Variants in ANKRD13C observed in about 807,000 individuals in gnomAD.
ANKRD13C encodes the protein ankyrin repeat domain 13C, also known as ankyrin repeat domain-containing protein 13C.
In ANKRD13C, 16 loss-of-function variants were observed where a neutral mutation model predicts 65.5. The ratio of observed to expected loss-of-function variants is 0.24; its 90% confidence interval spans 0.17 to 0.37. The LOEUF is 0.37. Ranked by LOEUF, ANKRD13C falls within the 10% of genes least tolerant of loss-of-function variation. The pLI, the probability that ANKRD13C is intolerant of heterozygous loss-of-function variation, is 1.00. For missense variants in ANKRD13C, 503 were observed against 655.9 expected, an observed-to-expected ratio of 0.77 and a Z score of 2.55; for synonymous variants, 235 against 238.7, an observed-to-expected ratio of 0.98 and a Z score of 0.14.
rs146916697 is a variant in ANKRD13C at position 70,259,266 on chromosome 1, A to T, written c.*3451T>A. On this transcript the variant is annotated 3_prime_UTR_variant, in exon 13 of 13. Transcript: ENST00000370944. ...TTATCTTTTTGGTTTTATGTTAGAC[A>T]ATATTTCTACTCTAATTAAAGTCAT... Among the ~76,000 whole-genome samples, 88 of 152,310 alleles carry T rather than the reference A, an allele frequency of 5.8e-4. No individual in the cohort carries two copies. The highest frequency in any genetic ancestry group is 2.1e-3 in the African/African-American group (86 of 41,568).
At chr1:70,353,198 G>A (rs1682823111) in intron 1 of ANKRD13C, among the ~76,000 whole-genome samples, 1 of 152,054 alleles carries the variant, frequency 6.6e-6, no homozygotes, top group African/African-American at 2.4e-5. Flanking sequence ...AGTCAACTCA[G>A]TCACATTATT....
intron 1 of ANKRD13C, among the ~76,000 whole-genome samples, chr1:70,344,912 A>G (rs1210363404): frequency 6.6e-6 from 1 of 152,068 alleles, no homozygotes; most frequent in Admixed American, 6.5e-5. Flanking sequence ...TTATGAAAAA[A>G]TTAACTACAT....
intron 5 of ANKRD13C, among the ~76,000 whole-genome samples, chr1:70,310,141 C>T (rs901697032): frequency 2.6e-5 from 4 of 152,158 alleles, no homozygotes; most frequent in African/African-American, 9.7e-5. Context: ...AAACTTGTTA[C>T]TAAGTCTGTG....
At chr1:70,325,318 CAA>C (rs1183313589) in intron 2 of ANKRD13C, among the ~76,000 whole-genome samples, 3 of 152,052 alleles carry the variant, frequency 2.0e-5, no homozygotes, top group African/African-American at 7.2e-5. Flanking sequence ...TAGTAAGACC[CAA>C]AAGAGGATCT....
intron 2 of ANKRD13C, among the ~76,000 whole-genome samples, chr1:70,330,887 C>A (rs553439553): frequency 6.6e-6 from 1 of 151,732 alleles, no homozygotes; most frequent in Admixed American, 6.7e-5. Flanking sequence ...CTTCCTGAAA[C>A]CTTCCTTACT....
At chr1:70,271,054 G>T in intron 11 of ANKRD13C, 98 bp from the exon 12 acceptor site, 1 of 691,444 alleles carries the variant, frequency 1.4e-6, no homozygotes, top group Non-Finnish European at 2.5e-6. Flanking sequence ...CAGTAGTATT[G>T]ACTTCCAGAT....
At chr1:70,324,222 A>T (rs944941013) in intron 3 of ANKRD13C, among the ~76,000 whole-genome samples, 1 of 152,228 alleles carries the variant, frequency 6.6e-6, no homozygotes, top group Admixed American at 6.5e-5. Context: ...TATCAGCAAG[A>T]TAATATTCCC....
At position 70,300,813 on chromosome 1, in the gene ANKRD13C, A is replaced by C; in HGVS notation, c.872T>G (p.Phe291Cys). ...TTTTTGTTCATTGTCTAATACTACAAAAGATTCAGAGGGCGCCGCATCCCC... is the reference window on the plus strand; with the variant it reads ...TTTTTGTTCATTGTCTAATACTACACAAGATTCAGAGGGCGCCGCATCCCC... ...FNGDAAPSES[F>C]VVLDNEQKVY... Residue 291 changes from phenylalanine (F) to cysteine (C), a missense_variant, in exon 7 of 13, where the codon TTT becomes TGT. By Grantham distance (205) the Phe-to-Cys change is radical (BLOSUM62 -2). Transcript: ENST00000370944. The C allele has an allele frequency of 1.2e-6, 2 of 1,613,632 alleles. No homozygotes were observed. Among genetic ancestry groups the C allele is most frequent in the Non-Finnish European group, 1.7e-6 (2 of 1,179,846 alleles).
chr1:70,302,648 C>A (rs1312464672), intron 6 of ANKRD13C, among the ~76,000 whole-genome samples: 2 of 106,108 alleles, frequency 1.9e-5, no homozygotes, highest in Non-Finnish European at 3.6e-5. Context: ...ATGGCGTGAA[C>A]CCGGGAGGCG....
intron 7 of ANKRD13C, among the ~76,000 whole-genome samples, chr1:70,296,811 G>C (rs994956581): frequency 6.6e-6 from 1 of 152,144 alleles, no homozygotes; most frequent in African/African-American, 2.4e-5. Context: ...GGAAGGAAAA[G>C]AAGCAAGAAA....
Position 70,354,439 on chromosome 1 carries a change from G to GGA in ANKRD13C, c.-33_-32dup. On this transcript the variant is annotated 5_prime_UTR_variant, in exon 1 of 13. Coordinates refer to ENST00000370944, the MANE Select transcript of ANKRD13C (RefSeq NM_030816.5). ...CCGCCAGGGGCAAGGGGGGGAATCG[G>GGA]GAGGCTCACCGCTGGCGACGGAGCT... 1 of 1,592,982 alleles carries GGA rather than the reference G, an allele frequency of 6.3e-7. No individual in the cohort carries two copies. The highest frequency in any genetic ancestry group is 8.6e-7 in the Non-Finnish European group (1 of 1,169,554).
At chr1:70,315,416 A>T in intron 4 of ANKRD13C, 65 bp downstream of exon 4, 1 of 1,391,860 alleles carries the variant, frequency 7.2e-7, no homozygotes, top group Non-Finnish European at 9.9e-7. Context: ...ATTAAGAAAA[A>T]AATGCTTAAA....
intron 10 of ANKRD13C, among the ~76,000 whole-genome samples, chr1:70,275,460 CAG>C (rs1212371331): frequency 6.6e-6 from 1 of 150,788 alleles, no homozygotes; most frequent in East Asian, 1.9e-4. Context: ...GTTAAAAAAA[CAG>C]AAGACTTAGT....
At chr1:70,300,542 C>T (rs1242266199) in intron 7 of ANKRD13C, among the ~76,000 whole-genome samples, 5 of 151,924 alleles carry the variant, frequency 3.3e-5, no homozygotes, top group Non-Finnish European at 4.4e-5. Flanking sequence ...GAGCCTAGAT[C>T]ACGCCACTGC....
chr1:70,292,869 G>A (rs1679919584), intron 8 of ANKRD13C, among the ~76,000 whole-genome samples: 1 of 152,152 alleles, frequency 6.6e-6, no homozygotes, highest in African/African-American at 2.4e-5. Context: ...CTCCCAAGTA[G>A]CACAAAGCTA....
Position 70,306,288 on chromosome 1 carries a change from G to A in ANKRD13C, c.712C>T (p.Pro238Ser), listed in dbSNP as rs1227683967. 1 of 1,543,482 alleles carries A rather than the reference G, an allele frequency of 6.5e-7. No homozygotes were observed. Among genetic ancestry groups the A allele is most frequent in the Non-Finnish European group, 8.8e-7 (1 of 1,141,950 alleles). Reference sequence around the variant, plus strand: ...GAAGGCAGAATTCGGGAAAGTAAAGGCACTGTATTTTTAAAAACAAAAGGT... The same window carrying A: ...GAAGGCAGAATTCGGGAAAGTAAAGACACTGTATTTTTAAAAACAAAAGGT... ...ELHWDFQSWV[P>S]LLSRILPSDA... The change falls in exon 6 of 13, where the codon CCT (proline) becomes TCT (serine). Residue 238 changes from proline to serine, a missense_variant and splice_region_variant. Pro to Ser is a moderately conservative substitution (Grantham distance 74, BLOSUM62 -1). Transcript: ENST00000370944.
At chr1:70,306,164 A>G in intron 6 of ANKRD13C, 60 bp downstream of exon 6, 1 of 1,267,276 alleles carries the variant, frequency 7.9e-7, no homozygotes, top group Non-Finnish European at 1.1e-6. Context: ...ATTACAGGGA[A>G]AAAAATCTTC....
intron 1 of ANKRD13C, among the ~76,000 whole-genome samples, chr1:70,345,611 C>T (rs537549434): frequency 6.6e-6 from 1 of 152,212 alleles, no homozygotes; most frequent in South Asian, 2.1e-4. Context: ...TGGAAATCTT[C>T]AAATGTTGAC....
At chr1:70,317,428 A>G (rs1254334649) in intron 3 of ANKRD13C, among the ~76,000 whole-genome samples, 1 of 152,208 alleles carries the variant, frequency 6.6e-6, no homozygotes, top group African/African-American at 2.4e-5. Flanking sequence ...TTTTTTAAAG[A>G]CTATTCTTCC....
Sources: gnomAD v4.1 joint callset for allele counts (sites outside exome capture counted in the v4.1 genomes callset) on GRCh38, gnomAD v4.1.1 for gene constraint, MANE v1.5 for transcripts, NCBI Gene and HGNC (gene_info 2026-07-23, HGNC 2026-07-21) for gene names.